TBX20: variants seen among roughly 807,000 people sequenced by gnomAD.
TBX20 encodes the protein T-box transcription factor 20.
In TBX20, 8 loss-of-function variants were observed where a neutral mutation model predicts 42.9. That is an observed-to-expected ratio of 0.19 (90% CI 0.11 to 0.34). TBX20 has a LOEUF of 0.34. Among genes scored for constraint, TBX20 ranks in the 10% least tolerant of loss-of-function variants. TBX20 has a pLI of 1.00. For missense variants in TBX20, 411 were observed against 566.0 expected (o/e 0.73, Z 2.78); for synonymous variants, 198 against 222.8 (o/e 0.89, Z 0.99).
At chr7:35,245,996 A>C (rs1790175845) in intron 3 of TBX20, among the ~76,000 whole-genome samples, 1 of 152,208 alleles carries the variant, frequency 6.6e-6, no homozygotes, top group Non-Finnish European at 1.5e-5. Flanking sequence ...TTACACCTAA[A>C]TTTTATATAG....
intron 6 of TBX20, among the ~76,000 whole-genome samples, chr7:35,222,833 T>C (rs548066626): frequency 6.6e-6 from 1 of 150,462 alleles, no homozygotes; most frequent in Non-Finnish European, 1.5e-5. Context: ...TGTCTGGACT[T>C]TGGATTGTAC....
chr7:35,206,168 G>A (rs914067622), intron 6 of TBX20, among the ~76,000 whole-genome samples: 8 of 152,228 alleles, frequency 5.3e-5, no homozygotes, highest in Admixed American at 2.6e-4. Context: ...AAATTTGTGT[G>A]TATGTTTGAA....
intron 6 of TBX20, among the ~76,000 whole-genome samples, chr7:35,228,028 A>G (rs568112113): frequency 6.6e-6 from 1 of 152,174 alleles, no homozygotes; most frequent in Non-Finnish European, 1.5e-5. Flanking sequence ...TTATTAAACC[A>G]TTCTCCTATT....
intron 6 of TBX20, among the ~76,000 whole-genome samples, chr7:35,225,588 C>T (rs552333379): frequency 1.3e-5 from 2 of 152,160 alleles, no homozygotes; most frequent in South Asian, 2.1e-4. Flanking sequence ...CGTACAAACT[C>T]GAAAATGGCA....
At chr7:35,211,074 T>C (rs1462865651) in intron 6 of TBX20, among the ~76,000 whole-genome samples, 3 of 152,132 alleles carry the variant, frequency 2.0e-5, no homozygotes, top group African/African-American at 4.8e-5. Context: ...TTAGGATTTA[T>C]AGTAAATATC....
intron 6 of TBX20, among the ~76,000 whole-genome samples, chr7:35,207,831 T>C (rs1190074436): frequency 6.6e-6 from 1 of 152,202 alleles, no homozygotes; most frequent in Non-Finnish European, 1.5e-5. Flanking sequence ...ACTGTCTTGA[T>C]TATTGTAGCT....
intron 3 of TBX20, among the ~76,000 whole-genome samples, chr7:35,246,006 G>C (rs1668671868): frequency 6.6e-6 from 1 of 152,120 alleles, no homozygotes; most frequent in Admixed American, 6.6e-5. Context: ...ATTTTATATA[G>C]GATCCTTATA....
chr7:35,248,846 C>CAGAGAG lies in TBX20; in HGVS notation c.381-11_381-6dup. The stretch of plus-strand genomic sequence containing the variant: ...CGGATGGTTGGAAACATCCTCCTGA[C>CAGAGAG]AGAGAGAGAGAGAGAGAATGGGCCC... On this transcript the variant is annotated splice_region_variant and splice_polypyrimidine_tract_variant and intron_variant, in intron 2 of 7. Transcript: ENST00000408931. 1 of 1,516,984 alleles carries CAGAGAG rather than the reference C, an allele frequency of 6.6e-7. No homozygotes were observed. Among genetic ancestry groups the CAGAGAG allele is most frequent in the Non-Finnish European group, 9.0e-7 (1 of 1,109,476 alleles). The allele number at this position is 1,516,984 out of a possible 1,614,324, so 94.0% of individuals were successfully genotyped here.
intron 6 of TBX20, among the ~76,000 whole-genome samples, chr7:35,221,802 T>C (rs1177228410): frequency 6.6e-6 from 1 of 152,040 alleles, no homozygotes; most frequent in African/African-American, 2.4e-5. Context: ...CAGTAAACAG[T>C]GAATATGCCT....
chr7:35,217,413 A>C (rs372729296), intron 6 of TBX20, among the ~76,000 whole-genome samples: 2 of 152,348 alleles, frequency 1.3e-5, no homozygotes, highest in East Asian at 3.9e-4. Flanking sequence ...CACAGATAGA[A>C]GGAAAGACAC....
At chr7:35,224,751 A>T (rs1789742892) in intron 6 of TBX20, among the ~76,000 whole-genome samples, 1 of 152,232 alleles carries the variant, frequency 6.6e-6, no homozygotes, top group Non-Finnish European at 1.5e-5. Flanking sequence ...GTCATTTAAA[A>T]TTTTTAAAAA....
intron 6 of TBX20, among the ~76,000 whole-genome samples, chr7:35,220,683 T>C (rs558390417): frequency 1.3e-5 from 2 of 152,330 alleles, no homozygotes; most frequent in African/African-American, 4.8e-5. Flanking sequence ...ACAGACATTC[T>C]ATTCTACAGA....
At position 35,219,339 on chromosome 7, in the gene TBX20, G is replaced by A. The variant is rs568845606; in HGVS notation, c.890+12165C>T. ...ACACTGTCATTGTAACACAAAAACA[G>A]CCACATACAATACTTAACAACAACA... On this transcript the variant is annotated intron_variant, in intron 6 of 7. Coordinates refer to ENST00000408931, the MANE Select transcript of TBX20 (RefSeq NM_001077653.2). Among the ~76,000 whole-genome samples the A allele has an allele frequency of 8.5e-4, 130 of 152,274 alleles. 1 individual carries two copies. The highest frequency in any genetic ancestry group is 2.9e-3 in the African/African-American group (122 of 41,546).
At chr7:35,231,690 A>C in intron 5 of TBX20, 110 bp from the exon 6 acceptor site, 1 of 772,460 alleles carries the variant, frequency 1.3e-6, no homozygotes, top group Non-Finnish European at 2.3e-6. Context: ...AATGTTTCTC[A>C]GTGTCCTGAG....
Position 35,253,847 on chromosome 7 carries a change from G to A in TBX20, c.-227C>T. On this transcript the variant is annotated 5_prime_UTR_variant, in exon 1 of 8. Coordinates refer to ENST00000408931, the MANE Select transcript of TBX20 (RefSeq NM_001077653.2). ...AGAGACTTCGAAGGCAGCCGGAGAG[G>A]AGAGGGCCCACCGAGCACTACGGCG... 7.0e-6 allele frequency: 4 copies of A among 571,672 alleles called. No homozygotes were observed. The highest frequency in any genetic ancestry group is 9.1e-6 in the Non-Finnish European group (3 of 328,996). 35.4% of individuals were successfully genotyped at this position (571,672 alleles called of 1,614,324 possible).
chr7:35,248,410 T>C (rs182810189), intron 3 of TBX20, among the ~76,000 whole-genome samples: 70 of 152,340 alleles, frequency 4.6e-4, no homozygotes, highest in Non-Finnish European at 7.8e-4. Context: ...TAATGAATAC[T>C]CAAATTGAAA....
At position 35,204,472 on chromosome 7, in the gene TBX20, C is replaced by A; in HGVS notation, c.1001G>T (p.Arg334Leu). ...LGDESQTTPN[R>L]GSAFTTSDNL... ...CATGGCCTTGGAAACTACCTTACCT[C>A]GATTTGGGGTTGTCTGACTCTCATC... is the stretch of plus-strand genomic sequence containing the variant. Residue 334 changes from arginine (R) to leucine (L), a missense_variant and splice_region_variant, in exon 7 of 8, where the codon CGA becomes CTA. Arg to Leu is a moderately radical substitution (Grantham distance 102). Around this residue, in one of 5 missense-constraint regions of TBX20, gnomAD observed 162 missense variants for 205.4 expected, o/e 0.79. Transcript: ENST00000408931. The A allele has an allele frequency of 6.2e-7, 1 of 1,611,066 alleles. No homozygotes were observed.
intron 6 of TBX20, among the ~76,000 whole-genome samples, chr7:35,215,958 A>G (rs2128711359): frequency 6.6e-6 from 1 of 152,220 alleles, no homozygotes; most frequent in South Asian, 2.1e-4. Flanking sequence ...TAAAGTGCAA[A>G]TTTCTCAATG....
intron 4 of TBX20, among the ~76,000 whole-genome samples, chr7:35,244,608 T>C (rs541555599): frequency 1.3e-5 from 2 of 152,340 alleles, no homozygotes; most frequent in South Asian, 4.1e-4. Flanking sequence ...AGAAATTAGA[T>C]GCTTAACCCA....
Sources: allele counts gnomAD v4.1 joint callset (sites outside exome capture counted in the v4.1 genomes callset), GRCh38; gene constraint gnomAD v4.1.1; regional missense constraint gnomAD v4.1.1; transcripts MANE v1.5; gene names NCBI Gene and HGNC (gene_info 2026-07-23, HGNC 2026-07-21).